The following CHRM1 variants were observed in gnomAD, a reference collection of about 807,000 sequenced individuals.
CHRM1 encodes the protein cholinergic receptor muscarinic 1, also known as muscarinic acetylcholine receptor M1.
CHRM1 carries 5 observed loss-of-function variants against 31.6 expected under a neutral mutation model. That is an observed-to-expected ratio of 0.16 (90% CI 0.08 to 0.33). The LOEUF (loss-of-function observed/expected upper bound fraction) is 0.33. Ranked by LOEUF, CHRM1 falls within the 10% of genes least tolerant of loss-of-function variation. CHRM1 has a pLI of 1.00. For missense variants in CHRM1, 338 were observed against 610.3 expected, an observed-to-expected ratio of 0.55 and a Z score of 4.70; for synonymous variants, 227 against 249.7, an observed-to-expected ratio of 0.91 and a Z score of 0.86.
chr11:62,909,232 A>G lies in CHRM1; in HGVS notation c.*486T>C, dbSNP rs1434443757. On this transcript the variant is annotated 3_prime_UTR_variant, in exon 2 of 2. Coordinates refer to ENST00000306960, the MANE Select transcript of CHRM1 (RefSeq NM_000738.3). ...GGGCCCAGGTGGGCGGGCTCTGCCTATGAAGCGAGGGGATTCCCCAGCTCC... is the reference window on the plus strand; with the variant it reads ...GGGCCCAGGTGGGCGGGCTCTGCCTGTGAAGCGAGGGGATTCCCCAGCTCC... 5.9e-6 allele frequency: 1 copy of G among 170,830 alleles called. No individual in the cohort carries two copies. Among genetic ancestry groups the G allele is most frequent in the Non-Finnish European group, 1.3e-5 (1 of 78,594 alleles). 10.6% of individuals were successfully genotyped at this position (170,830 alleles called of 1,614,324 possible).
rs771364759 is a variant in CHRM1 at position 62,910,012 on chromosome 11, C to T, written c.1089G>A (p.Ala363=). ...KTFSLVKEKK[A]ARTLSAILLA... is the part of the protein sequence containing the mutation. Reference sequence around the variant, plus strand: ...GGAGGATGGCACTCAGGGTCCGAGCCGCCTTCTTCTCCTTGACCAGCGAGA... The same window carrying T: ...GGAGGATGGCACTCAGGGTCCGAGCTGCCTTCTTCTCCTTGACCAGCGAGA... The change falls in exon 2 of 2, where the codon GCG becomes GCA. Residue 363 remains alanine (A), a synonymous_variant. Coordinates refer to ENST00000306960, the MANE Select transcript of CHRM1 (RefSeq NM_000738.3). The surrounding 1 kb of genome is among the most constrained non-coding windows in gnomAD (Gnocchi z 8.7). The T allele has an allele frequency of 3.2e-5, 52 of 1,613,848 alleles. No homozygotes were observed. In the South Asian group the frequency reaches 4.0e-4, roughly 12 times the overall value.
At chr11:62,921,800 CT>C (rs1241844587), upstream of CHRM1, 1 of 152,572 alleles carries the variant, frequency 6.6e-6, no homozygotes, top group East Asian at 1.9e-4. Context: ...GCCCTCCCCC[CT>C]GCACATGCCC....
intron 1 of CHRM1, chr11:62,917,789 G>A (rs2085908459): frequency 6.6e-6 from 1 of 152,150 alleles, no homozygotes; most frequent in African/African-American, 2.4e-5. Context: ...CATAATAGCA[G>A]CAAAGAAAAA....
intron 1 of CHRM1, among the ~76,000 whole-genome samples, chr11:62,914,674 C>T (rs994741779): frequency 6.6e-6 from 1 of 152,232 alleles, no homozygotes; most frequent in African/African-American, 2.4e-5. Flanking sequence ...AAGGCATTGT[C>T]TAGTCCAAGG....
At chr11:62,916,941 G>T (rs939795115) in intron 1 of CHRM1, 14 of 152,250 alleles carry the variant, frequency 9.2e-5, no homozygotes, top group African/African-American at 2.7e-4. Context: ...TCTTGCCACC[G>T]TCTAGATCTT....
At chr11:62,918,798 G>A (rs905078649) in intron 1 of CHRM1, among the ~76,000 whole-genome samples, 7 of 152,296 alleles carry the variant, frequency 4.6e-5, no homozygotes, top group African/African-American at 1.7e-4. Flanking sequence ...GCAACTGGGA[G>A]TGGAGAGAAC....
At chr11:62,919,465 A>G (rs1435912500) in intron 1 of CHRM1, among the ~76,000 whole-genome samples, 1 of 152,202 alleles carries the variant, frequency 6.6e-6, no homozygotes, top group African/African-American at 2.4e-5. Context: ...AGACCATGAC[A>G]GAGCCTGGGC....
At chr11:62,919,197 G>A (rs2085917547) in intron 1 of CHRM1, among the ~76,000 whole-genome samples, 1 of 152,132 alleles carries the variant, frequency 6.6e-6, no homozygotes, top group Non-Finnish European at 1.5e-5. Flanking sequence ...TTTGACAGCA[G>A]CTCTTGACCC....
intron 1 of CHRM1, chr11:62,916,766 G>T: frequency 6.6e-6 from 1 of 152,504 alleles, no homozygotes. Flanking sequence ...CACAGCAGTG[G>T]TGGAGGTGGG....
intron 1 of CHRM1, among the ~76,000 whole-genome samples, chr11:62,911,693 G>A (rs1363074557): frequency 1.3e-5 from 2 of 152,226 alleles, no homozygotes; most frequent in African/African-American, 4.8e-5. Context: ...GGGAACTGTG[G>A]CTCTGAGCAG....
At chr11:62,912,031 G>A (rs879258734) in intron 1 of CHRM1, among the ~76,000 whole-genome samples, 1 of 152,136 alleles carries the variant, frequency 6.6e-6, no homozygotes, top group Non-Finnish European at 1.5e-5. Context: ...TATGAGGGCA[G>A]CAGGGAAAAT....
At chr11:62,912,991 G>A (rs1352388332) in intron 1 of CHRM1, among the ~76,000 whole-genome samples, 1 of 152,198 alleles carries the variant, frequency 6.6e-6, no homozygotes, top group Non-Finnish European at 1.5e-5. Flanking sequence ...GTGTGTACAA[G>A]TCACTGACAG....
At chr11:62,916,744 T>C (rs527592828) in intron 1 of CHRM1, 5 of 152,444 alleles carry the variant, frequency 3.3e-5, no homozygotes, top group African/African-American at 1.2e-4. Context: ...CAAAGTAGAT[T>C]TCTGATGGTC....
rs1258843299 is a variant in CHRM1 at position 62,909,780 on chromosome 11, G to A, written c.1321C>T (p.Arg441Cys). 3.1e-6 allele frequency: 5 copies of A among 1,614,232 alleles called. No homozygotes were observed. Among genetic ancestry groups the A allele is most frequent in the Admixed American group, 1.7e-5 (1 of 60,036 alleles). Residue 441 changes from arginine (R) to cysteine (C), a missense_variant, in exon 2 of 2, where the codon CGC (arginine) becomes TGC (cysteine). Around this residue, in one of 4 missense-constraint regions of CHRM1, gnomAD observed 68 missense variants for 108.5 expected, o/e 0.63. Coordinates refer to ENST00000306960, the MANE Select transcript of CHRM1 (RefSeq NM_000738.3). ...GGGCGCTTGGGGATCTTGCGCCAGC[G>A]TCTCTTGTCCCAGCGGCAAAGCAGC... ...LLLLCRWDKR[R>C]WRKIPKRPGS...
At chr11:62,915,174 C>CAAAAAAA (rs34590771) in intron 1 of CHRM1, among the ~76,000 whole-genome samples, 2 of 22,740 alleles carry the variant, frequency 8.8e-5, no homozygotes, top group Non-Finnish European at 1.5e-4. Context: ...GACCCTGTCT[C>CAAAAAAA]AAAAAAAAAA....
intron 1 of CHRM1, 129 bp from the exon 2 acceptor site, chr11:62,911,307 GGT>G: frequency 1.7e-6 from 1 of 582,166 alleles, no homozygotes; most frequent in Non-Finnish European, 3.0e-6. Context: ...CTCCCTTACC[GGT>G]GCCCACTCAT....
chr11:62,913,775 C>T (rs1032545472), intron 1 of CHRM1, among the ~76,000 whole-genome samples: 1 of 151,598 alleles, frequency 6.6e-6, no homozygotes, highest in African/African-American at 2.4e-5. Flanking sequence ...GTGCCAGTTG[C>T]TGTTAAAGGG....
chr11:62,912,981 G>A (rs1461819951), intron 1 of CHRM1, among the ~76,000 whole-genome samples: 3 of 152,224 alleles, frequency 2.0e-5, no homozygotes, highest in Admixed American at 1.3e-4. Context: ...TGAACCCTCA[G>A]TGTGTACAAG....
chr11:62,909,383 TC>T lies in CHRM1; in HGVS notation c.*334del, dbSNP rs772133173. ...AATACTTAATGTTAAGCCTTCTTTCTCCTGGCCCGCCCTGCTGGCTCCTGAC... is the reference window on the plus strand; with the variant it reads ...AATACTTAATGTTAAGCCTTCTTTCTCTGGCCCGCCCTGCTGGCTCCTGAC... On this transcript the variant is annotated 3_prime_UTR_variant, in exon 2 of 2. Transcript: ENST00000306960. 3.1e-6 allele frequency: 1 copy of T among 320,980 alleles called. No homozygotes were observed. Among genetic ancestry groups the T allele is most frequent in the South Asian group, 5.8e-5 (1 of 17,300 alleles). The allele number at this position is 320,980 out of a possible 1,614,324, so 19.9% of individuals were successfully genotyped here.
Sources: gnomAD v4.1 joint callset for allele counts (sites outside exome capture counted in the v4.1 genomes callset) on GRCh38, gnomAD v4.1.1 for gene constraint, gnomAD v4.1.1 regional missense constraint, Gnocchi (gnomAD v3.1) non-coding constraint, MANE v1.5 for transcripts, NCBI Gene and HGNC (gene_info 2026-07-23, HGNC 2026-07-21) for gene names.